The following ZZZ3 variants were observed in gnomAD, a reference collection of about 807,000 sequenced individuals.
ZZZ3 encodes ZZ-type zinc finger-containing protein 3.
Under a neutral mutation model 95.2 loss-of-function variants are expected in ZZZ3, and 22 were observed. The observed-to-expected ratio is 0.23, with a 90% CI of 0.17 to 0.33. The LOEUF (loss-of-function observed/expected upper bound fraction) is 0.33. Among genes scored for constraint, ZZZ3 ranks in the 10% least tolerant of loss-of-function variants. The pLI, the probability that ZZZ3 is intolerant of heterozygous loss-of-function variation, is 1.00. For synonymous variants in ZZZ3, 335 were observed against 358.9 expected, an observed-to-expected ratio of 0.93 and a Z score of 0.75; for missense variants, 885 against 1,066.5, an observed-to-expected ratio of 0.83 and a Z score of 2.37.
chr1:77,617,663 A>G (rs1666441282), intron 5 of ZZZ3, among the ~76,000 whole-genome samples: 1 of 151,776 alleles, frequency 6.6e-6, no homozygotes, highest in Non-Finnish European at 1.5e-5. Context: ...GCTGAGCCAG[A>G]CGTGGTGGCT....
At position 77,565,641 on chromosome 1, in the gene ZZZ3, C is replaced by T. The variant is rs779187173; in HGVS notation, c.2711G>A (p.Ter904=). ...TAGTAAATGATGTTCTCTTCCATGT[C>T]ATCTGTTTGCTGGAAAGTAGTTTGG... The part of the protein sequence containing the change: ...LDPNYFPANR[*] Residue 904 remains the stop codon, a stop_retained_variant, in exon 15 of 15, where the codon TGA becomes TAA. Coordinates refer to ENST00000370801, the MANE Select transcript of ZZZ3 (RefSeq NM_015534.6). The T allele has an allele frequency of 6.2e-7, 1 of 1,613,288 alleles. No homozygotes were observed. The highest frequency in any genetic ancestry group is 8.5e-7 in the Non-Finnish European group (1 of 1,179,566).
At chr1:77,601,149 G>GT (rs1664692421) in intron 5 of ZZZ3, among the ~76,000 whole-genome samples, 1 of 152,154 alleles carries the variant, frequency 6.6e-6, no homozygotes, top group Non-Finnish European at 1.5e-5. Context: ...TGAGAGCTTT[G>GT]TAAGATAGGC....
At chr1:77,595,013 T>C (rs1664090662) in intron 5 of ZZZ3, among the ~76,000 whole-genome samples, 1 of 151,362 alleles carries the variant, frequency 6.6e-6, no homozygotes, top group Non-Finnish European at 1.5e-5. Flanking sequence ...TCAACAAACA[T>C]TATTTGTAAT....
rs1206871424 is a variant in ZZZ3 at position 77,564,054 on chromosome 1, T to C, written c.*1586A>G. 6.6e-6 allele frequency: 1 copy of C among 152,088 alleles called. No individual in the cohort carries two copies. The highest frequency in any genetic ancestry group is 2.4e-5 in the African/African-American group (1 of 41,430). The allele number at this position is 152,088 out of a possible 1,614,324, so 9.4% of individuals were successfully genotyped here. A position where few individuals can be genotyped will look rare whatever the true frequency, so the allele number is the denominator to read the frequency against. Reference sequence around the variant, plus strand: ...GTGATTCTAAAAATTGGGTCAAATATAACAATCAATCTTAGAATATTTATA... The same window carrying C: ...GTGATTCTAAAAATTGGGTCAAATACAACAATCAATCTTAGAATATTTATA... On this transcript the variant is annotated 3_prime_UTR_variant, in exon 15 of 15. Transcript: ENST00000370801.
chr1:77,637,358 T>G (rs1668395363), intron 4 of ZZZ3, among the ~76,000 whole-genome samples: 1 of 152,218 alleles, frequency 6.6e-6, no homozygotes, highest in African/African-American at 2.4e-5. Context: ...ATTATTAAGA[T>G]CAGAGTTAAA....
At chr1:77,658,076 G>A (rs766782123) in intron 1 of ZZZ3, among the ~76,000 whole-genome samples, 24 of 151,860 alleles carry the variant, frequency 1.6e-4, no homozygotes, top group African/African-American at 5.6e-4. Flanking sequence ...CTACTAGGGA[G>A]GCTGAGGCAG....
At chr1:77,587,756 T>C (rs1451447113) in intron 5 of ZZZ3, among the ~76,000 whole-genome samples, 1 of 152,154 alleles carries the variant, frequency 6.6e-6, no homozygotes, top group African/African-American at 2.4e-5. Context: ...CAGTTCGAAC[T>C]GCGTGGATCC....
intron 12 of ZZZ3, among the ~76,000 whole-genome samples, chr1:77,569,077 C>A (rs1206244993): frequency 1.3e-5 from 2 of 152,208 alleles, no homozygotes; most frequent in Non-Finnish European, 2.9e-5. Context: ...TGGCTTATAC[C>A]TGTAATCCCA....
chr1:77,563,607 T>C lies in ZZZ3; in HGVS notation c.*2033A>G, dbSNP rs548609750. ...GCATACATCATACTTTATGGAATTT[T>C]TGAATGGATCTGAATGGCTTTCCAA... On this transcript the variant is annotated 3_prime_UTR_variant, in exon 15 of 15. Coordinates refer to ENST00000370801, the MANE Select transcript of ZZZ3 (RefSeq NM_015534.6). 3.9e-5 allele frequency: 6 copies of C among 152,374 alleles called. No homozygotes were observed. The highest frequency in any genetic ancestry group is 2.6e-4 in the Admixed American group (4 of 15,308). 9.4% of individuals were successfully genotyped at this position (152,374 alleles called of 1,614,324 possible). A position where few individuals can be genotyped will look rare whatever the true frequency, so the allele number is the denominator to read the frequency against.
intron 1 of ZZZ3, among the ~76,000 whole-genome samples, chr1:77,658,617 G>A (rs992714571): frequency 2.0e-5 from 3 of 151,708 alleles, no homozygotes; most frequent in East Asian, 1.9e-4. Flanking sequence ...TCCCGCCTTG[G>A]CTTCCTAAAA....
intron 4 of ZZZ3, among the ~76,000 whole-genome samples, chr1:77,633,812 C>A (rs1001271392): frequency 1.3e-5 from 2 of 152,166 alleles, no homozygotes; most frequent in Non-Finnish European, 2.9e-5. Context: ...TGTGTATCTG[C>A]CTCTCAGGCA....
chr1:77,671,719 G>C (rs1671803222), intron 1 of ZZZ3, among the ~76,000 whole-genome samples: 2 of 152,104 alleles, frequency 1.3e-5, no homozygotes, highest in Admixed American at 1.3e-4. Context: ...ATAAATTTTA[G>C]TTATTAGTAT....
intron 6 of ZZZ3, among the ~76,000 whole-genome samples, chr1:77,582,647 AG>A (rs1282580553): frequency 6.8e-6 from 1 of 148,060 alleles, no homozygotes; most frequent in African/African-American, 2.5e-5. Context: ...CAAAGAACAT[AG>A]GACTTTCATG....
Position 77,578,762 on chromosome 1 carries a change from A to G in ZZZ3, c.2178+12T>C. The G allele has an allele frequency of 6.8e-7, 1 of 1,461,868 alleles. No homozygotes were observed. The highest frequency in any genetic ancestry group is 9.1e-7 in the Non-Finnish European group (1 of 1,095,958). 90.6% of individuals were successfully genotyped at this position (1,461,868 alleles called of 1,614,324 possible). On this transcript the variant is annotated intron_variant, in intron 11 of 14. Transcript: ENST00000370801. ...TTTAATCTACAGTTTACTTTCATGT[A>G]TTTTCTTTTACCTTTTTGGAGTATA...
At chr1:77,664,186 ATC>A (rs1384407342) in intron 1 of ZZZ3, among the ~76,000 whole-genome samples, 1 of 152,040 alleles carries the variant, frequency 6.6e-6, no homozygotes, top group Non-Finnish European at 1.5e-5. Context: ...AGCCTAATTA[ATC>A]TCTCATTCCA....
chr1:77,576,088 T>C lies in ZZZ3; in HGVS notation c.2311A>G (p.Thr771Ala), dbSNP rs912975341. The change falls in exon 12 of 15, where the codon ACT (threonine) becomes GCT (alanine). Residue 771 changes from threonine to alanine, a missense_variant. Coordinates refer to ENST00000370801, the MANE Select transcript of ZZZ3 (RefSeq NM_015534.6). Reference sequence around the variant, plus strand: ...CTTACTGATGCATCTTCAACAGCAGTGTTCATGTGGCTATGAAAACAAGAT... The same window carrying C: ...CTTACTGATGCATCTTCAACAGCAGCGTTCATGTGGCTATGAAAACAAGAT... ...DRSCFHSHMN[T>A]AVEDASDDES... is the part of the protein sequence containing the mutation. 6 of 1,610,240 alleles carry C rather than the reference T, an allele frequency of 3.7e-6. No individual in the cohort carries two copies. The highest frequency in any genetic ancestry group is 1.7e-5 in the Admixed American group (1 of 58,856).
intron 5 of ZZZ3, among the ~76,000 whole-genome samples, chr1:77,618,822 T>C (rs1666582450): frequency 1.3e-5 from 2 of 152,224 alleles, no homozygotes; most frequent in Admixed American, 6.5e-5. Context: ...TAAAACAATC[T>C]GTCAGTGTTT....
chr1:77,616,690 C>T (rs1317146364), intron 5 of ZZZ3, among the ~76,000 whole-genome samples: 1 of 152,054 alleles, frequency 6.6e-6, no homozygotes, highest in African/African-American at 2.4e-5. Context: ...TGGTGAAACC[C>T]CATCTCTACT....
Position 77,590,878 on chromosome 1 carries a change from C to G in ZZZ3, c.1506-6223G>C, listed in dbSNP as rs551255329. On this transcript the variant is annotated intron_variant, in intron 5 of 14. Coordinates refer to ENST00000370801, the MANE Select transcript of ZZZ3 (RefSeq NM_015534.6). ...TAAGCAATTTTAAAAGTACATTGTA[C>G]CAGATGGGAAGGAGAATAAGGGTAA... Among the ~76,000 whole-genome samples, 9 of 152,050 alleles carry G rather than the reference C, an allele frequency of 5.9e-5. No homozygotes were observed. In the South Asian group the frequency reaches 1.9e-3, roughly 32 times the overall value.
Sources: allele counts gnomAD v4.1 joint callset (sites outside exome capture counted in the v4.1 genomes callset), GRCh38; gene constraint gnomAD v4.1.1; transcripts MANE v1.5; gene names NCBI Gene and HGNC (gene_info 2026-07-23, HGNC 2026-07-21).